HTR1E: variants seen among roughly 807,000 people sequenced by gnomAD.
HTR1E encodes the protein 5-HT-1E.
A neutral mutation model predicts 3.4 loss-of-function variants in HTR1E; 3 were observed. The ratio of observed to expected loss-of-function variants is 0.89; its 90% CI spans 0.41 to 2.31. The LOEUF (loss-of-function observed/expected upper bound fraction) is 2.31, where lower values mean the gene tolerates loss of function less well. Among genes scored for constraint, HTR1E ranks in the 30% most tolerant of loss-of-function variants. The pLI is 0.05. For missense variants in HTR1E, 392 were observed against 467.0 expected, an observed-to-expected ratio of 0.84 and a Z score of 1.48; for synonymous variants, 170 against 182.8, an observed-to-expected ratio of 0.93 and a Z score of 0.56.
intron 1 of HTR1E, among the ~76,000 whole-genome samples, chr6:86,990,553 T>C (rs1335520011): frequency 6.6e-6 from 1 of 151,998 alleles, no homozygotes; most frequent in Non-Finnish European, 1.5e-5. Context: ...ACTTGAGCAA[T>C]AAAATAAATA....
chr6:86,944,556 A>C (rs533853945), intron 1 of HTR1E, among the ~76,000 whole-genome samples: 21 of 152,360 alleles, frequency 1.4e-4, no homozygotes, highest in Admixed American at 5.9e-4. Flanking sequence ...GTGATATAAG[A>C]ACAGCAAATC....
intron 1 of HTR1E, chr6:86,970,627 A>G (rs2127822741): frequency 6.4e-6 from 1 of 155,948 alleles, no homozygotes; most frequent in East Asian, 1.9e-4. Flanking sequence ...TTCACAAGAA[A>G]TATACACAGA....
intron 1 of HTR1E, among the ~76,000 whole-genome samples, chr6:86,943,429 G>C (rs563515369): frequency 6.6e-6 from 1 of 152,314 alleles, no homozygotes; most frequent in South Asian, 2.1e-4. Context: ...CCTGGGGTCA[G>C]AAGGCCTGGG....
chr6:86,986,948 G>A (rs1767797587), intron 1 of HTR1E, among the ~76,000 whole-genome samples: 2 of 152,018 alleles, frequency 1.3e-5, no homozygotes, highest in South Asian at 4.1e-4. Context: ...AAAAAGAAAA[G>A]GAGGCAAAAA....
intron 1 of HTR1E, among the ~76,000 whole-genome samples, chr6:86,975,947 A>ACT (rs1554182862): frequency 1.3e-3 from 175 of 139,764 alleles, no homozygotes; most frequent in Admixed American, 4.4e-3. Flanking sequence ...ACACACACAC[A>ACT]CTCTCTCTCT....
chr6:86,963,412 A>T, intron 1 of HTR1E, among the ~76,000 whole-genome samples: 1 of 152,344 alleles, frequency 6.6e-6, no homozygotes, highest in East Asian at 1.9e-4. Flanking sequence ...AAAATGTTAC[A>T]ATGAGCTAAG....
At chr6:86,964,749 T>C (rs1767452325) in intron 1 of HTR1E, among the ~76,000 whole-genome samples, 2 of 152,312 alleles carry the variant, frequency 1.3e-5, no homozygotes, top group Middle Eastern at 6.8e-3. Flanking sequence ...AATGAAAGAG[T>C]AATTACAAAT....
At chr6:86,948,104 A>C (rs558797419) in intron 1 of HTR1E, among the ~76,000 whole-genome samples, 1 of 151,614 alleles carries the variant, frequency 6.6e-6, no homozygotes. Flanking sequence ...TCATTGTTCA[A>C]CTCCCACTTA....
chr6:86,957,005 A>T (rs1767335701), intron 1 of HTR1E, among the ~76,000 whole-genome samples: 1 of 152,194 alleles, frequency 6.6e-6, no homozygotes, highest in African/African-American at 2.4e-5. Context: ...ACTGGGTTCA[A>T]TGGCTAAGTT....
chr6:87,002,956 G>T (rs1201611878), intron 1 of HTR1E, among the ~76,000 whole-genome samples: 1 of 152,154 alleles, frequency 6.6e-6, no homozygotes, highest in Non-Finnish European at 1.5e-5. Context: ...GATTTAATCT[G>T]CACTATAGAC....
At chr6:86,986,527 A>G (rs532865726) in intron 1 of HTR1E, among the ~76,000 whole-genome samples, 2 of 152,270 alleles carry the variant, frequency 1.3e-5, no homozygotes, top group African/African-American at 4.8e-5. Flanking sequence ...GCTAGTTGCT[A>G]GTGAGTGAGC....
chr6:86,946,138 G>T (rs1275044946), intron 1 of HTR1E, among the ~76,000 whole-genome samples: 1 of 152,176 alleles, frequency 6.6e-6, no homozygotes. Context: ...TATAGCTTAA[G>T]TGTACAGTGT....
intron 1 of HTR1E, among the ~76,000 whole-genome samples, chr6:86,978,481 T>C (rs994687026): frequency 4.6e-5 from 7 of 152,200 alleles, no homozygotes; most frequent in African/African-American, 1.7e-4. Flanking sequence ...GGCTGTCTAA[T>C]GGAGCAGAAA....
chr6:86,938,977 G>C (rs781129779), intron 1 of HTR1E, among the ~76,000 whole-genome samples: 2 of 152,140 alleles, frequency 1.3e-5, no homozygotes, highest in Non-Finnish European at 2.9e-5. Context: ...TTAATCCTGC[G>C]CAAGAGAGGC....
At chr6:86,940,478 G>A (rs1768531083) in intron 1 of HTR1E, among the ~76,000 whole-genome samples, 1 of 152,214 alleles carries the variant, frequency 6.6e-6, no homozygotes, top group South Asian at 2.1e-4. Flanking sequence ...CAAAGTTGCA[G>A]TGAGCCAAGT....
chr6:86,939,624 T>G (rs1205767627), intron 1 of HTR1E, among the ~76,000 whole-genome samples: 1 of 152,228 alleles, frequency 6.6e-6, no homozygotes, highest in Non-Finnish European at 1.5e-5. Flanking sequence ...TTCATAACAA[T>G]TTCCAGGGAT....
At chr6:87,009,963 C>A (rs1768182802) in intron 1 of HTR1E, among the ~76,000 whole-genome samples, 1 of 127,474 alleles carries the variant, frequency 7.8e-6, no homozygotes, top group African/African-American at 3.2e-5. Context: ...GGCGGCCGGG[C>A]AGAGGCGCCC....
At chr6:86,956,075 A>G (rs538736546) in intron 1 of HTR1E, among the ~76,000 whole-genome samples, 1 of 152,278 alleles carries the variant, frequency 6.6e-6, no homozygotes, top group South Asian at 2.1e-4. Context: ...CTGACCAAAG[A>G]GATTCTTTGT....
At chr6:87,010,558 G>C (rs1225283210) in intron 1 of HTR1E, among the ~76,000 whole-genome samples, 2 of 143,798 alleles carry the variant, frequency 1.4e-5, no homozygotes. Context: ...TGGGCGGCCG[G>C]GCAGAGACGC....
Sources: gnomAD v4.1 joint callset for allele counts (sites outside exome capture counted in the v4.1 genomes callset) on GRCh38, gnomAD v4.1.1 for gene constraint, MANE v1.5 for transcripts, NCBI Gene and HGNC (gene_info 2026-07-23, HGNC 2026-07-21) for gene names.